The following PRR16 variants were observed in gnomAD, a reference collection of about 807,000 sequenced individuals.
PRR16 encodes protein Largen.
A neutral mutation model predicts 18.2 loss-of-function variants in PRR16; 6 were observed. That is an observed-to-expected ratio of 0.33 (90% CI 0.18 to 0.65). The LOEUF is 0.65. Among genes scored for constraint, PRR16 ranks in the 30% least tolerant of loss-of-function variants. PRR16 has a pLI of 0.74. For missense variants in PRR16, 412 were observed against 376.6 expected (o/e 1.09, Z -0.78); for synonymous variants, 151 against 147.8 (o/e 1.02, Z -0.16).
chr5:120,491,539 T>C (rs1750048430), intron 1 of PRR16, among the ~76,000 whole-genome samples: 2 of 151,472 alleles, frequency 1.3e-5, no homozygotes, highest in Non-Finnish European at 2.9e-5. Context: ...TTTTCTCTCT[T>C]TCTCTCTTTT....
intron 1 of PRR16, among the ~76,000 whole-genome samples, chr5:120,602,594 G>C (rs1057026971): frequency 3.9e-5 from 6 of 151,978 alleles, no homozygotes; most frequent in African/African-American, 1.2e-4. Context: ...AGGCCTTCCT[G>C]TATTATGCTG....
intron 1 of PRR16, among the ~76,000 whole-genome samples, chr5:120,631,184 A>T (rs980360047): frequency 6.6e-6 from 1 of 152,182 alleles, no homozygotes; most frequent in African/African-American, 2.4e-5. Flanking sequence ...ATAAGAGTTG[A>T]TGATTTAAAA....
At chr5:120,737,397 G>GT in the PRR16 span, among the ~76,000 whole-genome samples, 1 of 129,862 alleles carries the variant, frequency 7.7e-6, no homozygotes, top group East Asian at 2.6e-4. Flanking sequence ...AATTATGTGA[G>GT]TTTTGTCCTT....
the PRR16 span, among the ~76,000 whole-genome samples, chr5:120,730,080 A>T: frequency 6.6e-6 from 1 of 152,306 alleles, no homozygotes; most frequent in East Asian, 1.9e-4. Context: ...TTATGCATTT[A>T]CATACTACTT....
intron 1 of PRR16, among the ~76,000 whole-genome samples, chr5:120,473,113 T>C (rs1192981526): frequency 6.6e-6 from 1 of 152,200 alleles, no homozygotes; most frequent in African/African-American, 2.4e-5. Flanking sequence ...TGATCTGCCC[T>C]TGAAGTAACT....
chr5:120,498,055 C>A (rs1750318447), intron 1 of PRR16, among the ~76,000 whole-genome samples: 1 of 150,940 alleles, frequency 6.6e-6, no homozygotes, highest in African/African-American at 2.4e-5. Context: ...TTTATGTATG[C>A]CATTTTAATT....
chr5:120,565,437 C>T (rs898697670), intron 1 of PRR16, among the ~76,000 whole-genome samples: 2 of 152,168 alleles, frequency 1.3e-5, no homozygotes, highest in Non-Finnish European at 2.9e-5. Context: ...GAAACTAGCC[C>T]ATTCAGATTA....
At chr5:120,703,165 G>A in the PRR16 span, among the ~76,000 whole-genome samples, 5 of 152,070 alleles carry the variant, frequency 3.3e-5, no homozygotes, top group East Asian at 5.8e-4. Flanking sequence ...AGTGGGGGTC[G>A]CAAGGTGCTC....
chr5:120,648,943 A>G (rs1040458485), intron 1 of PRR16, among the ~76,000 whole-genome samples: 1 of 152,182 alleles, frequency 6.6e-6, no homozygotes, highest in African/African-American at 2.4e-5. Flanking sequence ...TGCCCTCAAG[A>G]CCATGGATAA....
At chr5:120,712,653 G>C in the PRR16 span, among the ~76,000 whole-genome samples, 450 of 152,088 alleles carry the variant, frequency 3.0e-3, no homozygotes, top group African/African-American at 8.7e-3. Flanking sequence ...ATGGGAAAAG[G>C]ATCTGAATTA....
Position 120,687,313 on chromosome 5 carries a change from A to G in PRR16, c.*604A>G, listed in dbSNP as rs1028843865. 1 of 152,192 alleles carries G rather than the reference A, an allele frequency of 6.6e-6. No homozygotes were observed. Among genetic ancestry groups the G allele is most frequent in the Admixed American group, 6.5e-5 (1 of 15,268 alleles). 9.4% of individuals were successfully genotyped at this position (152,192 alleles called of 1,614,324 possible). The stretch of plus-strand genomic sequence containing the variant: ...ACAATAGTAAATAATGACAAAAGCA[A>G]ATGTTCCTCAGAATTAAAATGAAGT... On this transcript the variant is annotated 3_prime_UTR_variant, in exon 2 of 2. Transcript: ENST00000407149.
intron 1 of PRR16, among the ~76,000 whole-genome samples, chr5:120,587,824 G>A (rs1322381939): frequency 2.0e-5 from 3 of 152,150 alleles, no homozygotes; most frequent in Admixed American, 2.0e-4. Context: ...TCATTTAAGA[G>A]TAATATTTCA....
At chr5:120,596,404 A>G (rs770814466) in intron 1 of PRR16, among the ~76,000 whole-genome samples, 1 of 151,712 alleles carries the variant, frequency 6.6e-6, no homozygotes, top group South Asian at 2.1e-4. Context: ...CTGAGGACCA[A>G]ACTCTTCCTA....
At chr5:120,558,794 T>G (rs1752491859) in intron 1 of PRR16, among the ~76,000 whole-genome samples, 1 of 151,940 alleles carries the variant, frequency 6.6e-6, no homozygotes, top group Non-Finnish European at 1.5e-5. Context: ...TATCTCCACA[T>G]CCTTTCCAGC....
chr5:120,509,980 T>C (rs1000538791), intron 1 of PRR16, among the ~76,000 whole-genome samples: 1 of 152,172 alleles, frequency 6.6e-6, no homozygotes, highest in African/African-American at 2.4e-5. Context: ...ATACTGTTCT[T>C]TACACATCCA....
the PRR16 span, among the ~76,000 whole-genome samples, chr5:120,784,069 A>C: frequency 6.6e-6 from 1 of 152,176 alleles, no homozygotes; most frequent in Non-Finnish European, 1.5e-5. Context: ...ATAATATTTC[A>C]TTGTATATAT....
chr5:120,738,993 G>A, the PRR16 span, among the ~76,000 whole-genome samples: 1 of 151,992 alleles, frequency 6.6e-6, no homozygotes, highest in East Asian at 1.9e-4. Context: ...ACTACATTTA[G>A]CACTCTTCAG....
the PRR16 span, among the ~76,000 whole-genome samples, chr5:120,743,935 ATAAT>A: frequency 2.0e-5 from 3 of 152,032 alleles, no homozygotes; most frequent in African/African-American, 7.3e-5. Context: ...AATATATGTA[ATAAT>A]TCAGTAGCAG....
At chr5:120,540,527 A>T (rs1347683588) in intron 1 of PRR16, among the ~76,000 whole-genome samples, 1 of 152,120 alleles carries the variant, frequency 6.6e-6, no homozygotes, top group East Asian at 1.9e-4. Flanking sequence ...AGCCTTGTAT[A>T]CTGTCCCTTG....
Sources: gnomAD v4.1 joint callset for allele counts (sites outside exome capture counted in the v4.1 genomes callset) on GRCh38, gnomAD v4.1.1 for gene constraint, MANE v1.5 for transcripts, NCBI Gene and HGNC (gene_info 2026-07-23, HGNC 2026-07-21) for gene names.